Variants in TRIM37 observed in about 807,000 individuals in gnomAD.
TRIM37 encodes the protein E3 ubiquitin-protein ligase TRIM37.
TRIM37 carries 80 observed loss-of-function variants against 129.8 expected under a neutral mutation model. That is an observed-to-expected ratio of 0.62 (90% CI 0.51 to 0.74). The LOEUF (loss-of-function observed/expected upper bound fraction) is 0.74. Ranked by LOEUF, TRIM37 falls within the 30% of genes least tolerant of loss-of-function variation. The pLI is 0.00. For synonymous variants in TRIM37, 389 were observed against 387.1 expected, an observed-to-expected ratio of 1.00 and a Z score of -0.06; for missense variants, 1,054 against 1,176.5, an observed-to-expected ratio of 0.90 and a Z score of 1.52.
At chr17:58,997,775 G>A (rs1178231441), downstream of TRIM37, among the ~76,000 whole-genome samples, 4 of 152,132 alleles carry the variant, frequency 2.6e-5, no homozygotes, top group Non-Finnish European at 5.9e-5. Flanking sequence ...GAAAGAGCAA[G>A]AAAGTAGGAC....
At position 59,014,999 on chromosome 17, in the gene TRIM37, C is replaced by A. The variant is rs561366058; in HGVS notation, c.2576+611G>T. 5.7e-4 allele frequency among the ~76,000 whole-genome samples: 86 copies of A among 150,408 alleles called. 1 individual carries two copies. Among genetic ancestry groups the A allele is most frequent in the Admixed American group, 9.3e-4 (14 of 15,074 alleles). ...GGCTGAGGTAGGAGAATGGCATGAA[C>A]CTGGGAGGCGGAGCGTGCAGTGAGC... On this transcript the variant is annotated intron_variant, in intron 21 of 23. Coordinates refer to ENST00000262294, the MANE Select transcript of TRIM37 (RefSeq NM_015294.6).
chr17:59,056,748 G>GAGAAAAA, intron 13 of TRIM37, 127 bp downstream of exon 13: 2 of 61,588 alleles, frequency 3.2e-5, no homozygotes, highest in East Asian at 7.6e-4. Flanking sequence ...AAAAAAAAAA[G>GAGAAAAA]GTGATAAGGT....
At chr17:59,067,842 A>G (rs1396046607) in intron 9 of TRIM37, among the ~76,000 whole-genome samples, 1 of 144,130 alleles carries the variant, frequency 6.9e-6, no homozygotes, top group Non-Finnish European at 1.6e-5. Flanking sequence ...AGCCCACAGT[A>G]AAATATTTAG....
rs1307073357 is a variant in TRIM37, at chr17:59,012,364, C to T, written c.2659G>A (p.Val887Ile). 1.2e-6 allele frequency: 2 copies of T among 1,612,926 alleles called. No homozygotes were observed. The highest frequency in any genetic ancestry group is 1.3e-5 in the African/African-American group (1 of 74,962). The change falls in exon 22 of 24, where the codon GTA becomes ATA. Residue 887 changes from valine to isoleucine, a missense_variant. Around this residue, in one of 3 missense-constraint regions of TRIM37, gnomAD observed 287 missense variants for 274.3 expected, o/e 1.05. Coordinates refer to ENST00000262294, the MANE Select transcript of TRIM37 (RefSeq NM_015294.6). Reference sequence around the variant, plus strand: ...GCAGCTGAAGCTCCTTCAGGTAGTACAGGCTGTAACTCTCCAGTTTCAGAA... The same window carrying T: ...GCAGCTGAAGCTCCTTCAGGTAGTATAGGCTGTAACTCTCCAGTTTCAGAA... The part of the protein sequence containing the change: ...NNSETGELQP[V>I]LPEGASAAPE...
intron 12 of TRIM37, among the ~76,000 whole-genome samples, chr17:59,059,959 C>A (rs757883134): frequency 6.6e-5 from 10 of 152,186 alleles, no homozygotes; most frequent in Non-Finnish European, 1.3e-4. Context: ...TCCCTCTAAT[C>A]CTGTCAAGGA....
chr17:59,020,270 A>G (rs1271812743), intron 19 of TRIM37, among the ~76,000 whole-genome samples: 8 of 150,470 alleles, frequency 5.3e-5, no homozygotes, highest in Non-Finnish European at 1.2e-4. Flanking sequence ...AGCATTAACA[A>G]AGACAAAAGC....
At chr17:58,979,854 C>T, downstream of TRIM37, 1 of 748,028 alleles carries the variant, frequency 1.3e-6, no homozygotes, top group Non-Finnish European at 2.1e-6. Flanking sequence ...AAATTCTTTC[C>T]AGTCAAGTCA....
chr17:59,017,797 G>C (rs1220475564), intron 19 of TRIM37, among the ~76,000 whole-genome samples: 2 of 151,972 alleles, frequency 1.3e-5, no homozygotes, highest in African/African-American at 4.8e-5. Context: ...GCTAATTTTT[G>C]TATTTTTAGT....
In TRIM37 at chr17:59,017,412, T is replaced by C; in HGVS notation, c.2270A>G (p.Lys757Arg). Residue 757 changes from lysine to arginine, a missense_variant, in exon 20 of 24, where the codon AAG (lysine) becomes AGG (arginine). Around this residue, in one of 3 missense-constraint regions of TRIM37, gnomAD observed 287 missense variants for 274.3 expected, o/e 1.05. Coordinates refer to ENST00000262294, the MANE Select transcript of TRIM37 (RefSeq NM_015294.6). Reference protein sequence around the residue: ...NCYIRNSTNKKSNSPKPARSS... With the variant: ...NCYIRNSTNKRSNSPKPARSS... Reference sequence around the variant, plus strand: ...TCGAGCTGGCTTGGGCGAATTACTCTTCTTATTTGTGGCTGCAAAGACATT... The same window carrying C: ...TCGAGCTGGCTTGGGCGAATTACTCCTCTTATTTGTGGCTGCAAAGACATT... 1 of 1,614,006 alleles carries C rather than the reference T, an allele frequency of 6.2e-7. No homozygotes were observed. Among genetic ancestry groups the C allele is most frequent in the Non-Finnish European group, 8.5e-7 (1 of 1,179,894 alleles).
At chr17:59,081,952 AT>A (rs141797482) in intron 5 of TRIM37, among the ~76,000 whole-genome samples, 4,558 of 111,300 alleles carry the variant, frequency 0.041, 62 homozygotes, top group East Asian at 0.074. Flanking sequence ...AAAAAAAAAA[AT>A]AAAAAAAAAA....
chr17:59,002,369 G>C (rs947739102), intron 22 of TRIM37, among the ~76,000 whole-genome samples: 1 of 152,058 alleles, frequency 6.6e-6, no homozygotes, highest in East Asian at 1.9e-4. Flanking sequence ...CAAGTAGATA[G>C]GTCCACAGGT....
Position 59,070,919 on chromosome 17 carries a change from A to G in TRIM37, c.713T>C (p.Ile238Thr). 1.9e-6 allele frequency: 3 copies of G among 1,614,100 alleles called. No individual in the cohort carries two copies. Among genetic ancestry groups the G allele is most frequent in the Non-Finnish European group, 2.5e-6 (3 of 1,179,974 alleles). Residue 238 changes from isoleucine to threonine, a missense_variant, in exon 9 of 24, where the codon ATA becomes ACA. Around this residue, in one of 3 missense-constraint regions of TRIM37, gnomAD observed 752 missense variants for 870.8 expected, o/e 0.86. Coordinates refer to ENST00000262294, the MANE Select transcript of TRIM37 (RefSeq NM_015294.6). ...CATAAGGATCTCTGAGCTCTTAGATATCAACTCACTCTTACTACAAGACCG... is the reference window on the plus strand; with the variant it reads ...CATAAGGATCTCTGAGCTCTTAGATGTCAACTCACTCTTACTACAAGACCG... ...QLRSCSKSEL[I>T]SKSSEILMMF...
chr17:59,001,506 A>G, intron 23 of TRIM37, 92 bp downstream of exon 23: 4 of 1,549,264 alleles, frequency 2.6e-6, no homozygotes, highest in Non-Finnish European at 3.5e-6. Context: ...AGTAGAGCGG[A>G]AAAAGTAGAA....
intron 16 of TRIM37, among the ~76,000 whole-genome samples, chr17:59,042,430 T>TAAA (rs2039284587): frequency 5.4e-5 from 5 of 92,132 alleles, no homozygotes; most frequent in African/African-American, 2.7e-4. Flanking sequence ...AAAAAGGAAT[T>TAAA]TAAAAAAAAA....
intron 3 of TRIM37, 37 bp from the exon 4 acceptor site, chr17:59,088,444 A>C: frequency 8.8e-7 from 1 of 1,142,502 alleles, no homozygotes; most frequent in Non-Finnish European, 1.3e-6. Flanking sequence ...CTAATTCAGG[A>C]ATTTGAGATT....
intron 5 of TRIM37, among the ~76,000 whole-genome samples, chr17:59,081,953 TAAAAAA>T (rs762912390): frequency 8.8e-6 from 1 of 113,318 alleles, no homozygotes; most frequent in South Asian, 2.8e-4. Context: ...AAAAAAAAAA[TAAAAAA>T]AAAAAAATAA....
chr17:59,063,476 C>T (rs1233062801), intron 10 of TRIM37, among the ~76,000 whole-genome samples: 1 of 152,172 alleles, frequency 6.6e-6, no homozygotes, highest in Non-Finnish European at 1.5e-5. Context: ...CCATGCCCTG[C>T]CCAGTGTGGC....
chr17:59,054,472 T>C (rs1256745791), intron 13 of TRIM37, among the ~76,000 whole-genome samples: 1 of 152,036 alleles, frequency 6.6e-6, no homozygotes, highest in Non-Finnish European at 1.5e-5. Context: ...CAGCTAATTT[T>C]TGTATTTTTA....
At chr17:58,984,324 T>C (rs2031592673) in intron 24 of TRIM37, 1 of 152,638 alleles carries the variant, frequency 6.6e-6, no homozygotes, top group Non-Finnish European at 1.5e-5. Flanking sequence ...AAGTGCAACA[T>C]CCAGTGGGCA....
Sources: gnomAD v4.1 joint callset for allele counts (sites outside exome capture counted in the v4.1 genomes callset) on GRCh38, gnomAD v4.1.1 for gene constraint, gnomAD v4.1.1 regional missense constraint, MANE v1.5 for transcripts, NCBI Gene and HGNC (gene_info 2026-07-23, HGNC 2026-07-21) for gene names.